KCNK18: variants seen among roughly 807,000 people sequenced by gnomAD.
KCNK18 encodes potassium two pore domain channel subfamily K member 18, also known as potassium channel subfamily K member 18.
In KCNK18, 8 loss-of-function variants were observed where a neutral mutation model predicts 11.8. That is an observed-to-expected ratio of 0.68 (90% CI 0.40 to 1.22). KCNK18 has a LOEUF of 1.22. Ranked by LOEUF, KCNK18 falls within the 50% of genes most tolerant of loss-of-function variation. The probability of loss-of-function intolerance (pLI) is 0.01; values close to 1 mark genes in which losing one functional copy is unlikely to be tolerated. For synonymous variants in KCNK18, 208 were observed against 185.8 expected (o/e 1.12, Z -0.97); for missense variants, 442 against 465.4 (o/e 0.95, Z 0.46).
chr10:117,208,772 C>T (rs1162990540), intron 2 of KCNK18, among the ~76,000 whole-genome samples: 2 of 148,502 alleles, frequency 1.3e-5, no homozygotes, highest in Non-Finnish European at 3.0e-5. Flanking sequence ...TGGAGTCTCA[C>T]TCTTGTCCCC....
intron 2 of KCNK18, among the ~76,000 whole-genome samples, chr10:117,207,181 A>G (rs1178535098): frequency 1.3e-5 from 2 of 152,154 alleles, no homozygotes; most frequent in African/African-American, 2.4e-5. Flanking sequence ...GGTATGCGCC[A>G]TCACACCTGG....
chr10:117,197,805 G>A, intron 1 of KCNK18, 94 bp downstream of exon 1: 1 of 1,083,156 alleles, frequency 9.2e-7, no homozygotes, highest in South Asian at 1.3e-5. Context: ...CTGGGTCTGG[G>A]AGCTGCCTGC....
At chr10:117,203,400 C>A (rs572212930) in intron 2 of KCNK18, among the ~76,000 whole-genome samples, 1 of 152,246 alleles carries the variant, frequency 6.6e-6, no homozygotes, top group South Asian at 2.1e-4. Flanking sequence ...GGGCTGAGGT[C>A]AAACCTCAAA....
chr10:117,199,206 G>C (rs1247474192), intron 1 of KCNK18, among the ~76,000 whole-genome samples: 3 of 152,216 alleles, frequency 2.0e-5, no homozygotes, highest in African/African-American at 7.2e-5. Context: ...TGTAGTCCCA[G>C]CTACTTGGGA....
At chr10:117,206,612 A>G (rs550410545) in intron 2 of KCNK18, among the ~76,000 whole-genome samples, 2 of 151,958 alleles carry the variant, frequency 1.3e-5, no homozygotes, top group South Asian at 4.2e-4. Context: ...GATGCTGCCC[A>G]CCTCCCGGCC....
chr10:117,208,456 C>A (rs1261036831), intron 2 of KCNK18, among the ~76,000 whole-genome samples: 1 of 152,064 alleles, frequency 6.6e-6, no homozygotes, highest in Non-Finnish European at 1.5e-5. Context: ...TAAAAAAAAC[C>A]TGAAAATATG....
At chr10:117,203,490 A>C (rs1474844399) in intron 2 of KCNK18, among the ~76,000 whole-genome samples, 1 of 152,146 alleles carries the variant, frequency 6.6e-6, no homozygotes, top group East Asian at 1.9e-4. Context: ...AACTCCAAGA[A>C]AGACACGGAA....
At chr10:117,209,440 TG>T (rs945354286) in intron 2 of KCNK18, 56 bp from the exon 3 acceptor site, 1 of 1,422,364 alleles carries the variant, frequency 7.0e-7, no homozygotes, top group Non-Finnish European at 9.9e-7. Flanking sequence ...TTAAAGCTTT[TG>T]GGGGGAAAAA....
Position 117,209,788 on chromosome 10 carries a change from G to A in KCNK18, c.644G>A (p.Gly215Asp), listed in dbSNP as rs777841499. ...GAAGAGCTTCCAGGCCCCAAACTTGGCACATGTCCTTCACGCCCAAGCTGC... is the reference window on the plus strand; with the variant it reads ...GAAGAGCTTCCAGGCCCCAAACTTGACACATGTCCTTCACGCCCAAGCTGC... ...SAEELPGPKL[G>D]TCPSRPSCSM... The change falls in exon 3 of 3, where the codon GGC becomes GAC. Residue 215 changes from glycine to aspartate, a missense_variant. By Grantham distance (94) the Gly-to-Asp change is moderately conservative. Coordinates refer to ENST00000334549, the MANE Select transcript of KCNK18 (RefSeq NM_181840.1). 4 of 1,614,110 alleles carry A rather than the reference G, an allele frequency of 2.5e-6. No homozygotes were observed. The East Asian group carries it at 8.9e-5, about 36-fold the overall frequency.
intron 2 of KCNK18, among the ~76,000 whole-genome samples, chr10:117,206,842 T>C (rs181121336): frequency 1.3e-5 from 2 of 152,274 alleles, no homozygotes; most frequent in African/African-American, 2.4e-5. Context: ...ACCCCCTTGG[T>C]ATATGTGCAG....
chr10:117,203,156 C>T (rs867361981), intron 2 of KCNK18, among the ~76,000 whole-genome samples: 5 of 151,996 alleles, frequency 3.3e-5, no homozygotes, highest in African/African-American at 9.7e-5. Flanking sequence ...GGATTAGAGG[C>T]GTGAGACACC....
Position 117,209,567 on chromosome 10 carries a change from C to A in KCNK18, c.423C>A (p.Ile141=), listed in dbSNP as rs989178102. Residue 141 remains isoleucine, a synonymous_variant, in exon 3 of 3, where the codon ATC becomes ATA. Transcript: ENST00000334549. ...GCATGCTCTATGCTCTCTTTGGTAT[C>A]CCCCTGATGTTCCTCGTTCTCACGG... ...YLCMLYALFG[I]PLMFLVLTDT... 4.3e-6 allele frequency: 7 copies of A among 1,614,086 alleles called. No individual in the cohort carries two copies. Among genetic ancestry groups the A allele is most frequent in the Non-Finnish European group, 5.9e-6 (7 of 1,180,008 alleles).
Position 117,201,256 on chromosome 10 carries a change from C to A in KCNK18, c.321C>A (p.Leu107=). The A allele has an allele frequency of 6.2e-7, 1 of 1,614,028 alleles. No homozygotes were observed. The highest frequency in any genetic ancestry group is 8.5e-7 in the Non-Finnish European group (1 of 1,180,016). Residue 107 remains leucine (L), a synonymous_variant, in exon 2 of 3, where the codon CTC becomes CTA. Coordinates refer to ENST00000334549, the MANE Select transcript of KCNK18 (RefSeq NM_181840.1). ...CACACTGGTCCTTCCTGAGCTCGCT[C>A]TTTTTCTGCTGCACGGTGTTCAGCA... ...RTTHWSFLSS[L]FFCCTVFSTV...
At chr10:117,206,554 C>G (rs1427384421) in intron 2 of KCNK18, among the ~76,000 whole-genome samples, 4 of 152,098 alleles carry the variant, frequency 2.6e-5, no homozygotes, top group Admixed American at 2.6e-4. Context: ...CATTTTTCAG[C>G]CTTCCACACT....
rs369120660 is a variant in KCNK18, at chr10:117,209,547, C to T, written c.403C>T (p.Leu135Phe). Residue 135 changes from leucine to phenylalanine, a missense_variant, in exon 3 of 3, where the codon CTC (leucine) becomes TTC (phenylalanine). Coordinates refer to ENST00000334549, the MANE Select transcript of KCNK18 (RefSeq NM_181840.1). ...VTRLGKYLCM[L>F]YALFGIPLMF... The stretch of plus-strand genomic sequence containing the variant: ...CAGGCTTGGCAAGTACTTGTGCATG[C>T]TCTATGCTCTCTTTGGTATCCCCCT... 60 of 1,614,056 alleles carry T rather than the reference C, an allele frequency of 3.7e-5. No homozygotes were observed. The highest frequency in any genetic ancestry group is 4.8e-5 in the Non-Finnish European group (57 of 1,180,040).
chr10:117,210,158 G>T lies in KCNK18; in HGVS notation c.1014G>T (p.Leu338=), dbSNP rs1438456206. 2 of 1,614,174 alleles carry T rather than the reference G, an allele frequency of 1.2e-6. No homozygotes were observed. The change falls in exon 3 of 3, where the codon CTG becomes CTT. Residue 338 remains leucine, a synonymous_variant. Coordinates refer to ENST00000334549, the MANE Select transcript of KCNK18 (RefSeq NM_181840.1). ...TTTTAGAACACCCTAACTTCTTCCT[G>T]TTCTTCTCCATTTATATCATCGTTG... ...DTVLEHPNFF[L]FFSIYIIVGM...
Position 117,203,284 on chromosome 10 carries a change from G to A in KCNK18, c.352+1997G>A, listed in dbSNP as rs568389296. Among the ~76,000 whole-genome samples, 17 of 152,170 alleles carry A rather than the reference G, an allele frequency of 1.1e-4. No homozygotes were observed. In the South Asian group the frequency reaches 2.7e-3, roughly 24 times the overall value. ...CTGGATGTGGGGTCCAGGTGCTTTC[G>A]GAGCCTTTTCTTGTGCAATTCTCAC... is the stretch of plus-strand genomic sequence containing the variant. On this transcript the variant is annotated intron_variant, in intron 2 of 2. Transcript: ENST00000334549.
chr10:117,205,728 C>G (rs192600661), intron 2 of KCNK18, among the ~76,000 whole-genome samples: 1 of 152,148 alleles, frequency 6.6e-6, no homozygotes, highest in African/African-American at 2.4e-5. Flanking sequence ...AATTTACTGT[C>G]TGTGATGCAG....
chr10:117,200,562 C>A (rs1855000851), intron 1 of KCNK18, among the ~76,000 whole-genome samples: 1 of 152,114 alleles, frequency 6.6e-6, no homozygotes, highest in Admixed American at 6.5e-5. Flanking sequence ...AATCCCAGCC[C>A]TTTGGGAGGC....
Sources: gnomAD v4.1 joint callset for allele counts (sites outside exome capture counted in the v4.1 genomes callset) on GRCh38, gnomAD v4.1.1 for gene constraint, MANE v1.5 for transcripts, NCBI Gene and HGNC (gene_info 2026-07-23, HGNC 2026-07-21) for gene names.